ASAH2: variants seen among roughly 807,000 people sequenced by gnomAD.
The protein encoded by ASAH2 is N-acylsphingosine amidohydrolase 2.
ASAH2 carries 58 observed loss-of-function variants against 82.9 expected under a neutral mutation model. The ratio of observed to expected loss-of-function variants is 0.70; its 90% CI spans 0.57 to 0.87. The LOEUF (loss-of-function observed/expected upper bound fraction) is 0.87. Ranked by LOEUF, ASAH2 falls within the 40% of genes least tolerant of loss-of-function variation. ASAH2 has a pLI of 0.00. For missense variants in ASAH2, 779 were observed against 834.0 expected (o/e 0.93, Z 0.81); for synonymous variants, 276 against 289.7 (o/e 0.95, Z 0.48).
At chr10:50,223,560 G>A (rs1407618317) in intron 7 of ASAH2, among the ~76,000 whole-genome samples, 4 of 152,122 alleles carry the variant, frequency 2.6e-5, no homozygotes, top group Admixed American at 6.5e-5. Context: ...TCAAAGGTAC[G>A]TTCATGAAGA....
rs1259270165 is a variant in ASAH2, at chr10:50,187,116, T to TCACACACA, written c.*198_*199insTGTGTGTG. On this transcript the variant is annotated 3_prime_UTR_variant, in exon 21 of 21. Transcript: ENST00000682911. ...CTCTCTCTCTCTCTCTCTCTCTCTC[T>TCACACACA]CTCACACACACACACACACACACAC... The TCACACACA allele has an allele frequency of 1.2e-4, 28 of 230,104 alleles. No homozygotes were observed. The highest frequency in any genetic ancestry group is 3.4e-4 in the African/African-American group (9 of 26,128). 14.3% of individuals were successfully genotyped at this position (230,104 alleles called of 1,614,324 possible).
At chr10:50,251,142 C>A (rs1846602889) in intron 1 of ASAH2, among the ~76,000 whole-genome samples, 1 of 152,220 alleles carries the variant, frequency 6.6e-6, no homozygotes, top group Non-Finnish European at 1.5e-5. Context: ...TAATGGTTCA[C>A]ACTTAATCTG....
At chr10:50,200,098 ATGTTCATG>A (rs1845099965) in intron 16 of ASAH2, among the ~76,000 whole-genome samples, 1 of 151,804 alleles carries the variant, frequency 6.6e-6, no homozygotes. Context: ...TCAAGTGTGC[ATGTTCATG>A]TCTTGCCCAG....
chr10:50,216,849 G>T lies in ASAH2; in HGVS notation c.1014+1661C>A, dbSNP rs911610667. Among the ~76,000 whole-genome samples the T allele has an allele frequency of 3.9e-4, 59 of 152,294 alleles. No individual in the cohort carries two copies. The South Asian group carries it at 3.9e-3, about 10-fold the overall frequency. On this transcript the variant is annotated intron_variant, in intron 8 of 20. Transcript: ENST00000682911. ...TTTATTTCATAGTGCCTAGCACTCA[G>T]GCAGTGATCATAAATAGAAAACTCT...
intron 1 of ASAH2, among the ~76,000 whole-genome samples, chr10:50,249,147 T>A (rs553743916): frequency 4.6e-5 from 7 of 152,218 alleles, no homozygotes; most frequent in Non-Finnish European, 8.8e-5. Flanking sequence ...GTGAAACCCG[T>A]AACTTTGGCC....
rs763122143 is a variant in ASAH2 at position 50,243,253 on chromosome 10, T to A, written c.459A>T (p.Thr153=). 3.1e-6 allele frequency: 5 copies of A among 1,614,012 alleles called. No individual in the cohort carries two copies. In the African/African-American group the frequency reaches 5.3e-5, roughly 17 times the overall value. The change falls in exon 4 of 21, where the codon ACA becomes ACT. Residue 153 remains threonine (T), a synonymous_variant. Coordinates refer to ENST00000682911, the MANE Select transcript of ASAH2 (RefSeq NM_019893.4). The stretch of plus-strand genomic sequence containing the variant: ...TGCCTATGTCGATGCTGACAAACAC[T>A]GTTCGATTGGACCCATCAGGTTCTG... The part of the protein sequence containing the change: ...IMAEPDGSNR[T]VFVSIDIGMV...
chr10:50,249,893 C>T (rs187978802), intron 1 of ASAH2, among the ~76,000 whole-genome samples: 1 of 152,072 alleles, frequency 6.6e-6, no homozygotes, highest in African/African-American at 2.4e-5. Flanking sequence ...CCAGGATTTG[C>T]CCCCAAAATA....
Position 50,240,066 on chromosome 10 carries a change from G to C in ASAH2, c.510+3136C>G, listed in dbSNP as rs942660712. Among the ~76,000 whole-genome samples, 199 of 152,078 alleles carry C rather than the reference G, an allele frequency of 1.3e-3. 2 individuals carry two copies. The highest frequency in any genetic ancestry group is 4.7e-3 in the African/African-American group (195 of 41,494). ...TGGTCTCGAACTCCTGACCTCAAGT[G>C]ATCCACCTGCCTCAGCTTCCCAAAG... On this transcript the variant is annotated intron_variant, in intron 4 of 20. Transcript: ENST00000682911.
At chr10:50,209,969 T>C (rs1427021725) in intron 12 of ASAH2, among the ~76,000 whole-genome samples, 3 of 152,028 alleles carry the variant, frequency 2.0e-5, no homozygotes, top group Non-Finnish European at 4.4e-5. Context: ...ATTTCAGAAA[T>C]AGTCTGGCAG....
intron 12 of ASAH2, among the ~76,000 whole-genome samples, chr10:50,209,795 A>G (rs913448328): frequency 2.0e-5 from 3 of 152,214 alleles, no homozygotes; most frequent in Admixed American, 2.0e-4. Context: ...GGTGTTTGAC[A>G]TCATTAATTA....
chr10:50,198,734 T>C (rs1845059526), intron 17 of ASAH2, among the ~76,000 whole-genome samples: 1 of 151,952 alleles, frequency 6.6e-6, no homozygotes, highest in East Asian at 1.9e-4. Context: ...CTCTGAAAAC[T>C]GGGGAGAAAT....
intron 4 of ASAH2, among the ~76,000 whole-genome samples, chr10:50,236,292 T>C (rs1846157321): frequency 6.6e-6 from 1 of 152,098 alleles, no homozygotes; most frequent in African/African-American, 2.4e-5. Flanking sequence ...CTTATAATCA[T>C]GGCAGAAGGG....
chr10:50,217,756 TA>T (rs1845644018), intron 8 of ASAH2, among the ~76,000 whole-genome samples: 1 of 152,144 alleles, frequency 6.6e-6, no homozygotes, highest in African/African-American at 2.4e-5. Context: ...GGCTGAATGT[TA>T]ATGGAAGCTA....
intron 12 of ASAH2, among the ~76,000 whole-genome samples, chr10:50,208,361 CTA>C (rs1211739096): frequency 5.9e-5 from 9 of 151,916 alleles, no homozygotes; most frequent in Non-Finnish European, 1.2e-4. Flanking sequence ...AAAATTAAAA[CTA>C]TTAATATTTC....
At position 50,214,006 on chromosome 10, in the gene ASAH2, ATTGTGG is replaced by A. The variant is rs1427365840; in HGVS notation, c.1140+731_1140+736del. 2.0e-5 allele frequency among the ~76,000 whole-genome samples: 3 copies of A among 152,200 alleles called. No individual in the cohort carries two copies. In the East Asian group the frequency reaches 5.8e-4, roughly 29 times the overall value. ...AAGTTGAAAACAAAGCTAAATGAAC[ATTGTGG>A]GAGTTAAATAAATGATGGTATAGCC... On this transcript the variant is annotated intron_variant, in intron 9 of 20. Transcript: ENST00000682911.
intron 3 of ASAH2, 122 bp from the exon 4 acceptor site, chr10:50,243,473 G>T: frequency 9.5e-7 from 1 of 1,057,416 alleles, no homozygotes; most frequent in Non-Finnish European, 1.3e-6. Context: ...TGACATGGTG[G>T]CTCTGAGTGA....
At chr10:50,241,731 C>T (rs937908635) in intron 4 of ASAH2, among the ~76,000 whole-genome samples, 2 of 152,140 alleles carry the variant, frequency 1.3e-5, no homozygotes, top group Non-Finnish European at 2.9e-5. Context: ...GAGTTCATGT[C>T]CTTCGCAGGG....
intron 18 of ASAH2, among the ~76,000 whole-genome samples, chr10:50,196,174 T>C (rs1844975514): frequency 1.3e-5 from 2 of 151,800 alleles, no homozygotes; most frequent in African/African-American, 4.8e-5. Context: ...AATTTTTATT[T>C]ATCAAGTAGA....
At chr10:50,217,748 C>G (rs1450697210) in intron 8 of ASAH2, among the ~76,000 whole-genome samples, 1 of 152,124 alleles carries the variant, frequency 6.6e-6, no homozygotes, top group East Asian at 1.9e-4. Context: ...AATGATCAGG[C>G]TGAATGTTAA....
Sources: gnomAD v4.1 joint callset for allele counts (sites outside exome capture counted in the v4.1 genomes callset) on GRCh38, gnomAD v4.1.1 for gene constraint, MANE v1.5 for transcripts, NCBI Gene and HGNC (gene_info 2026-07-23, HGNC 2026-07-21) for gene names.